ZMYM2: variants seen among roughly 807,000 people sequenced by gnomAD.
ZMYM2 encodes zinc finger MYM-type containing 2, also known as zinc finger MYM-type protein 2.
In ZMYM2, 56 loss-of-function variants were observed where a neutral mutation model predicts 162.8. The observed-to-expected ratio is 0.34, with a 90% CI of 0.28 to 0.43. The LOEUF is 0.43. Among genes scored for constraint, ZMYM2 ranks in the 20% least tolerant of loss-of-function variants. ZMYM2 has a pLI of 1.00. For synonymous variants in ZMYM2, 510 were observed against 541.6 expected (o/e 0.94, Z 0.81); for missense variants, 1,275 against 1,621.8 (o/e 0.79, Z 3.67).
intron 2 of ZMYM2, among the ~76,000 whole-genome samples, chr13:19,979,610 G>T (rs545961412): frequency 6.1e-4 from 93 of 152,234 alleles, no homozygotes; most frequent in Middle Eastern, 3.4e-3. Context: ...AGCTGCTCCT[G>T]CCCAGAAGGC....
At chr13:19,969,679 C>T (rs1474365337) in intron 2 of ZMYM2, among the ~76,000 whole-genome samples, 1 of 152,120 alleles carries the variant, frequency 6.6e-6, no homozygotes, top group African/African-American at 2.4e-5. Flanking sequence ...TTCTTTGCTT[C>T]AGGCTCACTT....
chr13:20,084,127 C>T (rs1316993671), intron 24 of ZMYM2, among the ~76,000 whole-genome samples: 1 of 152,168 alleles, frequency 6.6e-6, no homozygotes, highest in Non-Finnish European at 1.5e-5. Flanking sequence ...TCCTCCCACC[C>T]TCTGCCTCCT....
chr13:19,924,830 A>C, the ZMYM2 span, among the ~76,000 whole-genome samples: 1 of 152,114 alleles, frequency 6.6e-6, no homozygotes, highest in African/African-American at 2.4e-5. Context: ...TATACTCAGA[A>C]ATGGAATTGC....
chr13:20,019,870 T>G (rs1951925879), intron 7 of ZMYM2: 1 of 415,158 alleles, frequency 2.4e-6, no homozygotes, highest in African/African-American at 2.0e-5. Flanking sequence ...TTTTCAGATT[T>G]TTTTAGTGCA....
chr13:20,050,816 C>T (rs1955254454), intron 12 of ZMYM2, among the ~76,000 whole-genome samples: 1 of 151,836 alleles, frequency 6.6e-6, no homozygotes, highest in Admixed American at 6.6e-5. Context: ...TGATTGTTTT[C>T]CTAGATGTGG....
chr13:19,874,891 G>A, the ZMYM2 span, among the ~76,000 whole-genome samples: 1 of 152,066 alleles, frequency 6.6e-6, no homozygotes, highest in South Asian at 2.1e-4. Context: ...AGTCAGAATG[G>A]CTATTATTAA....
chr13:19,955,240 T>C (rs1269633882), upstream of ZMYM2, among the ~76,000 whole-genome samples: 1 of 152,124 alleles, frequency 6.6e-6, no homozygotes, highest in Non-Finnish European at 1.5e-5. Flanking sequence ...ATAATTTTTT[T>C]CTAATATTTC....
the ZMYM2 span, among the ~76,000 whole-genome samples, chr13:19,893,268 C>G: frequency 6.7e-6 from 1 of 149,198 alleles, no homozygotes; most frequent in Admixed American, 6.7e-5. Flanking sequence ...TTCTTGATAG[C>G]TTGTATCAGT....
the ZMYM2 span, among the ~76,000 whole-genome samples, chr13:19,874,487 CT>C: frequency 6.6e-6 from 1 of 152,172 alleles, no homozygotes; most frequent in Non-Finnish European, 1.5e-5. Context: ...CCCACTTCAG[CT>C]TTTCAAGTAG....
the ZMYM2 span, among the ~76,000 whole-genome samples, chr13:19,898,037 A>G: frequency 6.6e-6 from 1 of 152,176 alleles, no homozygotes; most frequent in Non-Finnish European, 1.5e-5. Flanking sequence ...CAACAGCAGA[A>G]TACCCATTTT....
chr13:19,870,550 T>TCTTCCTTC, the ZMYM2 span, among the ~76,000 whole-genome samples: 2,207 of 114,778 alleles, frequency 0.019, 98 homozygotes, highest in African/African-American at 0.066. Context: ...TTTCTTTCTT[T>TCTTCCTTC]CTTCCTTCCT....
intron 21 of ZMYM2, among the ~76,000 whole-genome samples, chr13:20,074,502 C>T (rs1957341201): frequency 6.6e-6 from 1 of 151,392 alleles, no homozygotes; most frequent in African/African-American, 2.4e-5. Flanking sequence ...TCCCAAAGTG[C>T]TGGAATTAAC....
Position 20,066,958 on chromosome 13 carries a change from A to C in ZMYM2, c.3240A>C (p.Lys1080Asn). 1 of 1,613,290 alleles carries C rather than the reference A, an allele frequency of 6.2e-7. No homozygotes were observed. Among genetic ancestry groups the C allele is most frequent in the Non-Finnish European group, 8.5e-7 (1 of 1,179,530 alleles). ...FKYTYGVNAW[K>N]HWVKTRQLDE... Reference sequence around the variant, plus strand: ...ATACGTATGGCGTAAATGCATGGAAACACTGGGTCAAAACTAGGCAACTTG... The same window carrying C: ...ATACGTATGGCGTAAATGCATGGAACCACTGGGTCAAAACTAGGCAACTTG... Residue 1080 changes from lysine (K) to asparagine (N), a missense_variant, in exon 20 of 25, where the codon AAA becomes AAC. Transcript: ENST00000610343.
the ZMYM2 span, among the ~76,000 whole-genome samples, chr13:19,911,044 CTTTTTTTTTT>C: frequency 7.8e-3 from 700 of 89,318 alleles, 8 homozygotes; most frequent in African/African-American, 0.024. Context: ...AGTTCCCAGT[CTTTTTTTTTT>C]TTTTTTTTTT....
intron 12 of ZMYM2, among the ~76,000 whole-genome samples, 180 bp from the exon 13 acceptor site, chr13:20,051,253 G>GCATCTTTTTTTTTTTTTTTTTTTTTTT (rs369364385): frequency 2.7e-5 from 2 of 74,210 alleles, no homozygotes; most frequent in African/African-American, 4.3e-5. Context: ...CTGTGAAATT[G>GCATCTTTTTTTTTTTTTTTTTTTTTTT]TATTTTTTTT....
chr13:20,069,610 A>C (rs1956929831), intron 21 of ZMYM2, among the ~76,000 whole-genome samples: 1 of 151,924 alleles, frequency 6.6e-6, no homozygotes, highest in Non-Finnish European at 1.5e-5. Flanking sequence ...CCTATTAATA[A>C]TGGTATGAAT....
In ZMYM2 at chr13:20,052,410, G is replaced by T. The variant is rs993839489; in HGVS notation, c.2493+99G>T. The T allele has an allele frequency of 1.6e-5, 20 of 1,231,908 alleles. No individual in the cohort carries two copies. In the South Asian group the frequency reaches 2.3e-4, roughly 14 times the overall value. The allele number at this position is 1,231,908 out of a possible 1,614,324, so 76.3% of individuals were successfully genotyped here. Reference sequence around the variant, plus strand: ...ATGTGATCATAATAGTAATTTTTTTGGTTTTTTTTTTGCTTTACTGAGACG... The same window carrying T: ...ATGTGATCATAATAGTAATTTTTTTTGTTTTTTTTTTGCTTTACTGAGACG... On this transcript the variant is annotated intron_variant, in intron 14 of 24. Coordinates refer to ENST00000610343, the MANE Select transcript of ZMYM2 (RefSeq NM_197968.4).
chr13:19,951,347 A>G, the ZMYM2 span, among the ~76,000 whole-genome samples: 12 of 152,060 alleles, frequency 7.9e-5, no homozygotes, highest in African/African-American at 2.9e-4. Flanking sequence ...GTTACTATCC[A>G]CAATAGGAAC....
chr13:20,067,064 A>G (rs1177662514), intron 20 of ZMYM2, 45 bp downstream of exon 20: 2 of 1,522,810 alleles, frequency 1.3e-6, no homozygotes, highest in African/African-American at 1.4e-5. Flanking sequence ...TTTAAAATCA[A>G]GATTTCTGTT....
Sources: gnomAD v4.1 joint callset for allele counts (sites outside exome capture counted in the v4.1 genomes callset) on GRCh38, gnomAD v4.1.1 for gene constraint, MANE v1.5 for transcripts, NCBI Gene and HGNC (gene_info 2026-07-23, HGNC 2026-07-21) for gene names.